The following PCDHGB3 variants were observed in gnomAD, a reference collection of about 807,000 sequenced individuals.
PCDHGB3 encodes protocadherin gamma-B3.
In PCDHGB3, 40 loss-of-function variants were observed where a neutral mutation model predicts 59.2. That is an observed-to-expected ratio of 0.68 (90% CI 0.52 to 0.88). The LOEUF (loss-of-function observed/expected upper bound fraction) is 0.88. Ranked by LOEUF, PCDHGB3 falls within the 40% of genes least tolerant of loss-of-function variation. The pLI, the probability that PCDHGB3 is intolerant of heterozygous loss-of-function variation, is 0.00. For missense variants in PCDHGB3, 1,309 were observed against 1,187.9 expected, an observed-to-expected ratio of 1.10 and a Z score of -1.50; for synonymous variants, 581 against 503.6, an observed-to-expected ratio of 1.15 and a Z score of -2.06.
At chr5:141,383,639 A>G in intron 1 of PCDHGB3, 3 of 1,613,964 alleles carry the variant, frequency 1.9e-6, no homozygotes, top group Non-Finnish European at 2.5e-6. Flanking sequence ...CTGCCTCAGT[A>G]CCAAGTAACT....
intron 1 of PCDHGB3, chr5:141,376,018 C>T (rs761668305): frequency 9.9e-6 from 16 of 1,613,312 alleles, no homozygotes; most frequent in Admixed American, 5.0e-5. Flanking sequence ...TAGTGGTGGC[C>T]GTCCAGGACC....
chr5:141,501,300 C>T (rs867143352), intron 2 of PCDHGB3, among the ~76,000 whole-genome samples: 2,626 of 150,646 alleles, frequency 0.017, 74 homozygotes, highest in African/African-American at 0.06. Context: ...TACACACACA[C>T]ACACACACAC....
At chr5:141,478,044 C>G in intron 1 of PCDHGB3, 1 of 1,614,184 alleles carries the variant, frequency 6.2e-7, no homozygotes. Flanking sequence ...CCCAGGCAGA[C>G]TCTCACGGTC....
rs766516627 is a variant in PCDHGB3 at position 141,398,178 on chromosome 5, C to G, written c.2415+25369C>G. The G allele has an allele frequency of 8.2e-6, 12 of 1,472,146 alleles. No individual in the cohort carries two copies. The South Asian group carries it at 8.4e-5, about 10-fold the overall frequency. The allele number at this position is 1,472,146 out of a possible 1,614,324, so 91.2% of individuals were successfully genotyped here. A position where few individuals can be genotyped will look rare whatever the true frequency, so the allele number is the denominator to read the frequency against. ...GCCGGGCTGAGAGGCTGCCAGTGCT[C>G]TTTCTCTTCCTGCTGTCTTTGTTCT... On this transcript the variant is annotated intron_variant, in intron 1 of 3. Coordinates refer to ENST00000576222, the MANE Select transcript of PCDHGB3 (RefSeq NM_018924.5).
At chr5:141,456,647 C>G (rs773458307) in intron 1 of PCDHGB3, among the ~76,000 whole-genome samples, 2 of 152,152 alleles carry the variant, frequency 1.3e-5, no homozygotes, top group African/African-American at 4.8e-5. Context: ...AGGTGTTAAT[C>G]CCAAAGAAGC....
At chr5:141,462,651 CA>C (rs60282352) in intron 1 of PCDHGB3, among the ~76,000 whole-genome samples, 42,411 of 152,004 alleles carry the variant, frequency 0.28, 6,634 homozygotes, top group African/African-American at 0.43. Flanking sequence ...TTTCCATCCT[CA>C]ATTATCTTCA....
chr5:141,409,155 A>T, intron 1 of PCDHGB3: 1 of 1,614,036 alleles, frequency 6.2e-7, no homozygotes, highest in Non-Finnish European at 8.5e-7. Context: ...TACACCATGG[A>T]AGTGGAAGCG....
chr5:141,476,357 C>T lies in PCDHGB3; in HGVS notation c.2416-18450C>T. On this transcript the variant is annotated intron_variant, in intron 1 of 3. Transcript: ENST00000576222. The surrounding 1 kb of genome is among the most constrained non-coding windows in gnomAD (Gnocchi z 7.6). ...TAGCCGAAGATTCTTTGAGGTGAAC[C>T]GGGAGACCGGAGAGATGTTTGTGAA... The T allele has an allele frequency of 6.2e-7, 1 of 1,614,052 alleles. No individual in the cohort carries two copies. The highest frequency in any genetic ancestry group is 2.2e-5 in the East Asian group (1 of 44,854).
Position 141,485,996 on chromosome 5 carries a change from G to A in PCDHGB3, c.2416-8811G>A, listed in dbSNP as rs114142606. On this transcript the variant is annotated intron_variant, in intron 1 of 3. Coordinates refer to ENST00000576222, the MANE Select transcript of PCDHGB3 (RefSeq NM_018924.5). The surrounding 1 kb of genome is among the most constrained non-coding windows in gnomAD (Gnocchi z 5.7). ...CTCAGACCCGGACCTGGGTCCCAGT[G>A]GTAACGTCACCTTTTATTTCAGTGG... The A allele has an allele frequency of 1.6e-4, 256 of 1,614,178 alleles. 1 individual carries two copies. Among genetic ancestry groups the A allele is most frequent in the Middle Eastern group, 1.5e-3 (9 of 6,062 alleles).
intron 1 of PCDHGB3, chr5:141,411,430 A>C (rs918915726): frequency 6.6e-6 from 1 of 151,188 alleles, no homozygotes; most frequent in Admixed American, 6.6e-5. Context: ...CAACAAAAAA[A>C]AACATTAGCA....
chr5:141,422,263 C>T lies in PCDHGB3; in HGVS notation c.2415+49454C>T, dbSNP rs755271863. On this transcript the variant is annotated intron_variant, in intron 1 of 3. Transcript: ENST00000576222. ...TGTTGTGGATGTGAATGATAACGCT[C>T]CAGAAATAACTATCACCTCTTCTAT... is the stretch of plus-strand genomic sequence containing the variant. 1.0e-5 allele frequency: 16 copies of T among 1,563,686 alleles called. No individual in the cohort carries two copies. The South Asian group carries it at 1.7e-4, about 17-fold the overall frequency.
chr5:141,489,208 C>A lies in PCDHGB3; in HGVS notation c.2416-5599C>A. On this transcript the variant is annotated intron_variant, in intron 1 of 3. Coordinates refer to ENST00000576222, the MANE Select transcript of PCDHGB3 (RefSeq NM_018924.5). The surrounding 1 kb of genome is among the most constrained non-coding windows in gnomAD (Gnocchi z 4.5). The stretch of plus-strand genomic sequence containing the variant: ...GGTCTACCTTGGAGACAGGACAGCA[C>A]AGACTTACTCTCCACAAAGGGACTT... 1 of 1,451,152 alleles carries A rather than the reference C, an allele frequency of 6.9e-7. No individual in the cohort carries two copies. The highest frequency in any genetic ancestry group is 9.3e-7 in the Non-Finnish European group (1 of 1,072,112). 89.9% of individuals were successfully genotyped at this position (1,451,152 alleles called of 1,614,324 possible).
Position 141,485,330 on chromosome 5 carries a change from C to T in PCDHGB3, c.2416-9477C>T. On this transcript the variant is annotated intron_variant, in intron 1 of 3. Transcript: ENST00000576222. This position sits in a 1 kb window ranked among gnomAD's most constrained non-coding sequence, Gnocchi z 5.7. ...TGTAGGGAATGTCGCTCAAGATTTC[C>T]TGCTGGATACGGACAGTCTGTCAGC... 6.2e-7 allele frequency: 1 copy of T among 1,614,164 alleles called. No individual in the cohort carries two copies. Among genetic ancestry groups the T allele is most frequent in the East Asian group, 2.2e-5 (1 of 44,862 alleles).
Position 141,370,783 on chromosome 5 carries a change from C to G in PCDHGB3, c.389C>G (p.Pro130Arg). The G allele has an allele frequency of 1.2e-6, 2 of 1,614,010 alleles. No homozygotes were observed. Among genetic ancestry groups the G allele is most frequent in the African/African-American group, 1.3e-5 (1 of 75,042 alleles). ...TVLIQDINDN[P>R]PTFSQNITEL... ...CTGATCCAGGATATTAACGACAACC[C>G]ACCGACCTTTAGCCAAAATATCACT... Residue 130 changes from proline (P) to arginine (R), a missense_variant, in exon 1 of 4, where the codon CCA (proline) becomes CGA (arginine). Transcript: ENST00000576222.
At chr5:141,376,221 C>A (rs919176873) in intron 1 of PCDHGB3, 8 of 1,614,216 alleles carry the variant, frequency 5.0e-6, no homozygotes, top group Middle Eastern at 1.7e-4. Context: ...GTGCTGCTGG[C>A]GCTCAGACTG....
In PCDHGB3 at chr5:141,454,796, ATTTTT is replaced by A. The variant is rs61612330; in HGVS notation, c.2416-39986_2416-39982del. Among the ~76,000 whole-genome samples the A allele has an allele frequency of 4.9e-3, 378 of 77,354 alleles. 2 individuals carry two copies. Among genetic ancestry groups the A allele is most frequent in the Admixed American group, 9.2e-3 (51 of 5,544 alleles). 50.7% of individuals were successfully genotyped at this position (77,354 alleles called of 152,430 possible). On this transcript the variant is annotated intron_variant, in intron 1 of 3. Coordinates refer to ENST00000576222, the MANE Select transcript of PCDHGB3 (RefSeq NM_018924.5). ...AAGGAAATAATCCTCCATGGTTCTA[ATTTTT>A]TTTTTTTTTTTTTTTTTTTTTTTTG...
chr5:141,413,442 C>T, intron 1 of PCDHGB3: 5 of 1,614,090 alleles, frequency 3.1e-6, no homozygotes, highest in Non-Finnish European at 8.5e-7. Flanking sequence ...GCAGCTTGAT[C>T]ACCGCGGGCA....
At chr5:141,482,852 A>G (rs1237049208) in intron 1 of PCDHGB3, among the ~76,000 whole-genome samples, 1 of 144,420 alleles carries the variant, frequency 6.9e-6, no homozygotes, top group Non-Finnish European at 1.5e-5. Flanking sequence ...TGGGCAGATC[A>G]CTTGAGGTCA....
In PCDHGB3 at chr5:141,486,001, C is replaced by T. The variant is rs771993915; in HGVS notation, c.2416-8806C>T. ...ACCCGGACCTGGGTCCCAGTGGTAA[C>T]GTCACCTTTTATTTCAGTGGTCATA... On this transcript the variant is annotated intron_variant, in intron 1 of 3. Coordinates refer to ENST00000576222, the MANE Select transcript of PCDHGB3 (RefSeq NM_018924.5). This position sits in a 1 kb window ranked among gnomAD's most constrained non-coding sequence, Gnocchi z 5.0. The T allele has an allele frequency of 2.5e-6, 4 of 1,614,076 alleles. No homozygotes were observed. The highest frequency in any genetic ancestry group is 8.5e-7 in the Non-Finnish European group (1 of 1,180,032).
Sources: allele counts gnomAD v4.1 joint callset (sites outside exome capture counted in the v4.1 genomes callset), GRCh38; gene constraint gnomAD v4.1.1; non-coding constraint Gnocchi (gnomAD v3.1); transcripts MANE v1.5; gene names NCBI Gene and HGNC (gene_info 2026-07-23, HGNC 2026-07-21).